The following STXBP6 variants were observed in gnomAD, a reference collection of about 807,000 sequenced individuals.
STXBP6 encodes the protein syntaxin binding protein 6, also known as syntaxin-binding protein 6.
STXBP6 carries 21 observed loss-of-function variants against 26.9 expected under a neutral mutation model. The ratio of observed to expected loss-of-function variants is 0.78; its 90% CI spans 0.55 to 1.12. The LOEUF (loss-of-function observed/expected upper bound fraction) is 1.12. Among genes scored for constraint, STXBP6 ranks in the 50% most tolerant of loss-of-function variants. STXBP6 has a pLI of 0.00. For missense variants in STXBP6, 232 were observed against 257.9 expected (o/e 0.90, Z 0.69); for synonymous variants, 97 against 92.6 (o/e 1.05, Z -0.27).
At chr14:24,821,863 T>G (rs548354992) in intron 4 of STXBP6, among the ~76,000 whole-genome samples, 1 of 148,238 alleles carries the variant, frequency 6.7e-6, no homozygotes, top group East Asian at 1.9e-4. Flanking sequence ...TCCCTAAATC[T>G]TTAATATTTT....
intron 2 of STXBP6, among the ~76,000 whole-genome samples, chr14:24,936,335 T>A (rs1392519669): frequency 6.6e-6 from 1 of 152,212 alleles, no homozygotes. Context: ...TGTCATTGGA[T>A]GCACCAAAAC....
In STXBP6 at chr14:24,925,158, A is replaced by C. The variant is rs996747035; in HGVS notation, c.154+49507T>G. Among the ~76,000 whole-genome samples, 6 of 152,316 alleles carry C rather than the reference A, an allele frequency of 3.9e-5. No homozygotes were observed. The East Asian group carries it at 1.2e-3, about 29-fold the overall frequency. On this transcript the variant is annotated intron_variant, in intron 2 of 5. Transcript: ENST00000323944. ...ACAGGTGTATTTACAATAGAACTTC[A>C]TCAAATGGTAAATTACCTCAATGCA... is the stretch of plus-strand genomic sequence containing the variant.
chr14:24,998,556 T>C (rs2074667457), intron 1 of STXBP6, among the ~76,000 whole-genome samples: 1 of 152,158 alleles, frequency 6.6e-6, no homozygotes, highest in African/African-American at 2.4e-5. Flanking sequence ...ACTACTTGAA[T>C]AGAGAGCATG....
At position 24,811,371 on chromosome 14, in the gene STXBP6, A is replaced by G. The variant is rs561049536; in HGVS notation, c.*1338T>C. On this transcript the variant is annotated 3_prime_UTR_variant, in exon 6 of 6. Transcript: ENST00000323944. The stretch of plus-strand genomic sequence containing the variant: ...GTCCTGAAGATTCAGGCAGCTTAAA[A>G]ATCAATGCGCTGCAGTGGTAGGCTT... 6.6e-6 allele frequency: 1 copy of G among 152,336 alleles called. No individual in the cohort carries two copies. The highest frequency in any genetic ancestry group is 1.9e-4 in the East Asian group (1 of 5,184). 9.4% of individuals were successfully genotyped at this position (152,336 alleles called of 1,614,324 possible). A position where few individuals can be genotyped will look rare whatever the true frequency, so the allele number is the denominator to read the frequency against.
Position 24,864,179 on chromosome 14 carries a change from G to T in STXBP6, c.155-7022C>A, listed in dbSNP as rs2069638000. Among the ~76,000 whole-genome samples the T allele has an allele frequency of 2.6e-5, 4 of 152,098 alleles. No homozygotes were observed. The South Asian group carries it at 8.3e-4, about 32-fold the overall frequency. ...GATTTACAGAGTATCAAAAAACAAA[G>T]GCTTCAAAGTCACGGCCAACTGACT... On this transcript the variant is annotated intron_variant, in intron 2 of 5. Transcript: ENST00000323944.
At chr14:24,997,815 T>C (rs1041098764) in intron 1 of STXBP6, among the ~76,000 whole-genome samples, 3 of 152,152 alleles carry the variant, frequency 2.0e-5, no homozygotes, top group Non-Finnish European at 4.4e-5. Flanking sequence ...CAATGGAACA[T>C]TATTAAGTAC....
chr14:24,938,774 T>A (rs1206089977), intron 2 of STXBP6, among the ~76,000 whole-genome samples: 2 of 152,164 alleles, frequency 1.3e-5, no homozygotes, highest in Admixed American at 1.3e-4. Flanking sequence ...TCCCCTAAGC[T>A]TTCAAGAGGA....
intron 1 of STXBP6, chr14:24,995,050 T>C (rs758875374): frequency 7.4e-4 from 111 of 150,528 alleles, no homozygotes; most frequent in Non-Finnish European, 1.3e-3. Context: ...CAAAATTCCA[T>C]AGACTAGGTA....
intron 1 of STXBP6, among the ~76,000 whole-genome samples, chr14:25,024,172 G>A (rs994121504): frequency 6.6e-6 from 1 of 152,066 alleles, no homozygotes; most frequent in Non-Finnish European, 1.5e-5. Flanking sequence ...AGCCGGGCAT[G>A]GTGGCACACG....
In STXBP6 at chr14:24,855,958, G is replaced by T. The variant is rs1238992395; in HGVS notation, c.429C>A (p.Asn143Lys). The T allele has an allele frequency of 6.2e-7, 1 of 1,605,130 alleles. No homozygotes were observed. The highest frequency in any genetic ancestry group is 1.7e-5 in the Admixed American group (1 of 57,966). The change falls in exon 4 of 6, where the codon AAC becomes AAA. Residue 143 changes from asparagine (N) to lysine (K), a missense_variant. Asn to Lys is a moderately conservative substitution (Grantham distance 94). Transcript: ENST00000323944. ...YLTDRKPEFI[N>K]CQSKIMGGNS... ...CACCTCCCATAATTTTGGATTGGCA[G>T]TTAATAAACTCTGGCTTCCTGTCCG...
chr14:24,997,275 A>C lies in STXBP6; in HGVS notation c.-32-22425T>G, dbSNP rs180692747. Among the ~76,000 whole-genome samples the C allele has an allele frequency of 6.2e-3, 938 of 152,258 alleles. 6 individuals carry two copies. Among genetic ancestry groups the C allele is most frequent in the Admixed American group, 0.012 (185 of 15,296 alleles). On this transcript the variant is annotated intron_variant, in intron 1 of 5. Transcript: ENST00000323944. ...CCAAGTCAACCTTCTTGTACTTCCA[A>C]AACTCAAACCTGACACCATCATCCA...
intron 2 of STXBP6, among the ~76,000 whole-genome samples, chr14:24,968,170 A>AATATATATATATATAT (rs72223372): frequency 1.2e-4 from 18 of 144,350 alleles, no homozygotes; most frequent in African/African-American, 4.6e-4. Flanking sequence ...TATAATAAAG[A>AATATATATATATATAT]ATATATATAT....
intron 1 of STXBP6, among the ~76,000 whole-genome samples, chr14:24,990,727 G>C (rs1031576302): frequency 4.6e-5 from 7 of 150,950 alleles, no homozygotes. Context: ...GCAATTAGTA[G>C]TGGGAGCTGA....
Position 25,019,108 on chromosome 14 carries a change from A to C in STXBP6, c.-33+30770T>G, listed in dbSNP as rs562489619. 1.2e-4 allele frequency among the ~76,000 whole-genome samples: 19 copies of C among 152,326 alleles called. 1 individual carries two copies. The South Asian group carries it at 3.9e-3, about 32-fold the overall frequency. ...GAAGCCACAGAAGGCTTATGTCCAG[A>C]ATGAACTAATCATTTGTCCATAGAA... On this transcript the variant is annotated intron_variant, in intron 1 of 5. Transcript: ENST00000323944.
At chr14:25,003,728 T>C (rs762228287) in intron 1 of STXBP6, among the ~76,000 whole-genome samples, 17 of 151,744 alleles carry the variant, frequency 1.1e-4, no homozygotes, top group Non-Finnish European at 5.9e-5. Context: ...TAGCATGTCA[T>C]CACTTTCCCT....
intron 2 of STXBP6, among the ~76,000 whole-genome samples, chr14:24,967,341 G>A (rs1357976367): frequency 6.6e-6 from 1 of 152,206 alleles, no homozygotes; most frequent in African/African-American, 2.4e-5. Context: ...TATGAGCACT[G>A]AAGAATGTGA....
At chr14:24,893,974 A>G (rs2139562632) in intron 2 of STXBP6, among the ~76,000 whole-genome samples, 1 of 152,354 alleles carries the variant, frequency 6.6e-6, no homozygotes, top group East Asian at 1.9e-4. Context: ...CAAGGATCAT[A>G]GAAATAGGGT....
intron 2 of STXBP6, among the ~76,000 whole-genome samples, chr14:24,864,818 G>A (rs1342398248): frequency 6.6e-6 from 1 of 152,072 alleles, no homozygotes; most frequent in Non-Finnish European, 1.5e-5. Flanking sequence ...TGGCTCTCCT[G>A]CCTCCTCACC....
intron 5 of STXBP6, among the ~76,000 whole-genome samples, chr14:24,818,650 G>T (rs538646897): frequency 9.8e-5 from 15 of 152,320 alleles, no homozygotes; most frequent in Non-Finnish European, 1.6e-4. Context: ...AAGCAAGCAC[G>T]AGCAGCCTCA....
Sources: gnomAD v4.1 joint callset for allele counts (sites outside exome capture counted in the v4.1 genomes callset) on GRCh38, gnomAD v4.1.1 for gene constraint, MANE v1.5 for transcripts, NCBI Gene and HGNC (gene_info 2026-07-23, HGNC 2026-07-21) for gene names.